The following ASIC2 variants were observed in gnomAD, a reference collection of about 807,000 sequenced individuals.
ASIC2 encodes acid sensing ion channel subunit 2, also known as acid-sensing ion channel 2.
A neutral mutation model predicts 57.3 loss-of-function variants in ASIC2; 25 were observed. The ratio of observed to expected loss-of-function variants is 0.44; its 90% CI spans 0.32 to 0.61. The LOEUF is 0.61. Among genes scored for constraint, ASIC2 ranks in the 20% least tolerant of loss-of-function variants. The pLI is 0.06. For synonymous variants in ASIC2, 319 were observed against 307.5 expected (o/e 1.04, Z -0.39); for missense variants, 641 against 738.1 (o/e 0.87, Z 1.52).
chr17:33,433,131 C>A (rs953946301), intron 1 of ASIC2, among the ~76,000 whole-genome samples: 6 of 152,106 alleles, frequency 3.9e-5, no homozygotes, highest in Admixed American at 3.3e-4. Context: ...GTAACCATAG[C>A]AAATACATGG....
rs552974705 is a variant in ASIC2, at chr17:34,122,308, G to A, written c.555+33670C>T. ...ACACCCAGATAGCAAGTGGCAGAAGGGGCACAAGGGAGCGAGGGTCCAGCC... is the reference window on the plus strand; with the variant it reads ...ACACCCAGATAGCAAGTGGCAGAAGAGGCACAAGGGAGCGAGGGTCCAGCC... On this transcript the variant is annotated intron_variant, in intron 1 of 9. Transcript: ENST00000359872. Among the ~76,000 whole-genome samples the A allele has an allele frequency of 2.0e-5, 3 of 152,256 alleles. No homozygotes were observed. In the East Asian group the frequency reaches 5.8e-4, roughly 29 times the overall value.
At position 33,291,886 on chromosome 17, in the gene ASIC2, G is replaced by C. The variant is rs776743406; in HGVS notation, c.230C>G (p.Thr77Arg). ...HGLRHMCAGRTAAGGSFQRRA... is the reference protein window; with the variant it reads ...HGLRHMCAGRRAAGGSFQRRA... ...CCGCTGGAAGGAGCCCCCAGCCGCCGTGCGCCCGGCACACATGTGCCGCAG... is the reference window on the plus strand; with the variant it reads ...CCGCTGGAAGGAGCCCCCAGCCGCCCTGCGCCCGGCACACATGTGCCGCAG... Residue 77 changes from threonine (T) to arginine (R), a missense_variant, in exon 1 of 10, where the codon ACG becomes AGG. Physicochemically the swap from Thr to Arg is moderately conservative, Grantham distance 71. Transcript: ENST00000225823. 1.2e-6 allele frequency: 2 copies of C among 1,604,744 alleles called. No homozygotes were observed. The highest frequency in any genetic ancestry group is 1.7e-6 in the Non-Finnish European group (2 of 1,178,772).
At chr17:33,706,153 T>C (rs920087144) in intron 1 of ASIC2, among the ~76,000 whole-genome samples, 9 of 151,128 alleles carry the variant, frequency 6.0e-5, no homozygotes, top group African/African-American at 2.2e-4. Context: ...AACTTTTGGT[T>C]GAATCTGTAG....
At position 33,950,698 on chromosome 17, in the gene ASIC2, A is replaced by T. The variant is rs534437226; in HGVS notation, c.555+205280T>A. Among the ~76,000 whole-genome samples, 6 of 152,336 alleles carry T rather than the reference A, an allele frequency of 3.9e-5. No homozygotes were observed. The East Asian group carries it at 1.2e-3, about 29-fold the overall frequency. ...AAGGGACCAATGACAGCCACCTGAA[A>T]GGTCAGAAGAAAAGTCCTGATGAGA... On this transcript the variant is annotated intron_variant, in intron 1 of 9. Transcript: ENST00000359872.
At chr17:33,751,382 G>A (rs571049934) in intron 1 of ASIC2, among the ~76,000 whole-genome samples, 7 of 142,132 alleles carry the variant, frequency 4.9e-5, no homozygotes, top group African/African-American at 1.7e-4. Flanking sequence ...CTTTTTAAAT[G>A]ATGCGGCCAC....
chr17:33,489,138 T>G (rs1208157714), intron 1 of ASIC2, among the ~76,000 whole-genome samples: 1 of 152,110 alleles, frequency 6.6e-6, no homozygotes, highest in Non-Finnish European at 1.5e-5. Context: ...TGACCCTGGC[T>G]GATCCTTGGA....
chr17:33,527,698 C>T (rs1914925736), intron 1 of ASIC2, among the ~76,000 whole-genome samples: 1 of 152,126 alleles, frequency 6.6e-6, no homozygotes, highest in Admixed American at 6.5e-5. Context: ...ACCAGAGTTG[C>T]ATTTACACAC....
At chr17:33,576,942 T>G (rs1916642377) in intron 1 of ASIC2, among the ~76,000 whole-genome samples, 2 of 152,226 alleles carry the variant, frequency 1.3e-5, no homozygotes, top group Admixed American at 1.3e-4. Flanking sequence ...AAGGGTTATA[T>G]GCATTAATAT....
At chr17:33,258,521 G>A (rs1909159122) in intron 1 of ASIC2, among the ~76,000 whole-genome samples, 1 of 152,148 alleles carries the variant, frequency 6.6e-6, no homozygotes, top group African/African-American at 2.4e-5. Flanking sequence ...GTGAGGGAGC[G>A]AGGAGGCAGA....
At chr17:33,540,162 T>C (rs1180134449) in intron 1 of ASIC2, among the ~76,000 whole-genome samples, 1 of 152,192 alleles carries the variant, frequency 6.6e-6, no homozygotes, top group Non-Finnish European at 1.5e-5. Context: ...GCCTCTCTTC[T>C]AGCTTTTGGT....
chr17:33,481,643 C>A (rs1263125780), intron 1 of ASIC2, among the ~76,000 whole-genome samples: 1 of 151,566 alleles, frequency 6.6e-6, no homozygotes, highest in South Asian at 2.1e-4. Context: ...AACCTCTACA[C>A]CTCTATTGAT....
At chr17:33,581,583 G>A (rs997811960) in intron 1 of ASIC2, 3 of 152,100 alleles carry the variant, frequency 2.0e-5, no homozygotes, top group Non-Finnish European at 4.4e-5. Flanking sequence ...AAGTGAAAAA[G>A]GACCCCACAG....
intron 1 of ASIC2, chr17:33,680,856 T>G (rs1907978983): frequency 6.6e-6 from 1 of 152,256 alleles, no homozygotes; most frequent in African/African-American, 2.4e-5. Context: ...TTGCATTTTC[T>G]CCTTCTAAAT....
intron 1 of ASIC2, among the ~76,000 whole-genome samples, chr17:33,428,390 T>C (rs1911289763): frequency 6.6e-6 from 1 of 152,068 alleles, no homozygotes; most frequent in Non-Finnish European, 1.5e-5. Flanking sequence ...GAGAATCGAG[T>C]GAGTAAGTCA....
chr17:33,445,712 G>A lies in ASIC2; in HGVS notation c.556-333645C>T, dbSNP rs866149418. 2.5e-4 allele frequency among the ~76,000 whole-genome samples: 37 copies of A among 147,926 alleles called. No homozygotes were observed. The Middle Eastern group carries it at 0.011, about 43-fold the overall frequency. On this transcript the variant is annotated intron_variant, in intron 1 of 9. Transcript: ENST00000359872. ...CTCGAGAGGCTGAGGCAGGAGAATC[G>A]CTTGAACTCAGGAGGCGCAGGTTGT...
At chr17:33,604,793 G>A (rs72827215) in intron 1 of ASIC2, among the ~76,000 whole-genome samples, 2,140 of 152,212 alleles carry the variant, frequency 0.014, 32 homozygotes, top group East Asian at 0.071. Context: ...AGCCTTTGGT[G>A]TCAGGCTTTT....
intron 1 of ASIC2, among the ~76,000 whole-genome samples, chr17:33,665,018 G>A (rs1907423921): frequency 1.3e-5 from 2 of 151,994 alleles, no homozygotes; most frequent in Admixed American, 1.3e-4. Context: ...TATCATTCAT[G>A]ATGTTTTGTC....
At chr17:33,996,410 C>T (rs1906162548) in intron 1 of ASIC2, among the ~76,000 whole-genome samples, 1 of 152,062 alleles carries the variant, frequency 6.6e-6, no homozygotes, top group Admixed American at 6.5e-5. Context: ...GGGTCATAGC[C>T]AAAAAAGTCA....
At position 33,870,236 on chromosome 17, in the gene ASIC2, T is replaced by TG. The variant is rs1294430180; in HGVS notation, c.555+285741_555+285742insC. Among the ~76,000 whole-genome samples, 218 of 136,254 alleles carry TG rather than the reference T, an allele frequency of 1.6e-3. 1 individual carries two copies. The highest frequency in any genetic ancestry group is 5.1e-3 in the South Asian group (18 of 3,540). 89.4% of individuals were successfully genotyped at this position (136,254 alleles called of 152,430 possible). ...GATGAGAAATTCTGTTTTTTTTTTT[T>TG]TTTTTTTTTTTTTTTTGTCTAAGCA... is the stretch of plus-strand genomic sequence containing the variant. On this transcript the variant is annotated intron_variant, in intron 1 of 9. Coordinates refer to the ASIC2 transcript ENST00000359872.
Sources: allele counts gnomAD v4.1 joint callset (sites outside exome capture counted in the v4.1 genomes callset), GRCh38; gene constraint gnomAD v4.1.1; transcripts MANE v1.5; gene names NCBI Gene and HGNC (gene_info 2026-07-23, HGNC 2026-07-21).